Variants in PCDHGB1 observed in about 807,000 individuals in gnomAD.
The protein encoded by PCDHGB1 is protocadherin gamma subfamily B, 1.
A neutral mutation model predicts 56.6 loss-of-function variants in PCDHGB1; 34 were observed. The observed-to-expected ratio is 0.60, with a 90% CI of 0.46 to 0.80. The LOEUF (loss-of-function observed/expected upper bound fraction) is 0.80. PCDHGB1 is among the 30% of genes least tolerant of loss of function. PCDHGB1 has a pLI of 0.00. For missense variants in PCDHGB1, 1,278 were observed against 1,204.6 expected, an observed-to-expected ratio of 1.06 and a Z score of -0.90; for synonymous variants, 561 against 505.9, an observed-to-expected ratio of 1.11 and a Z score of -1.46.
chr5:141,435,795 G>A (rs150143106), intron 1 of PCDHGB1, among the ~76,000 whole-genome samples: 16 of 152,032 alleles, frequency 1.1e-4, no homozygotes, highest in Admixed American at 2.0e-4. Flanking sequence ...GAAACATAAC[G>A]TCCCAATTAT....
intron 1 of PCDHGB1, among the ~76,000 whole-genome samples, chr5:141,367,985 T>C (rs1158650986): frequency 6.6e-6 from 1 of 152,224 alleles, no homozygotes; most frequent in African/African-American, 2.4e-5. Flanking sequence ...CTTAAATTAA[T>C]AGATTTGTCT....
chr5:141,409,447 A>C, intron 1 of PCDHGB1: 1 of 1,614,008 alleles, frequency 6.2e-7, no homozygotes, highest in Non-Finnish European at 8.5e-7. Context: ...GAGAGCAGAC[A>C]CCAGAATACA....
At chr5:141,423,744 A>G in intron 1 of PCDHGB1, 1 of 429,464 alleles carries the variant, frequency 2.3e-6, no homozygotes. Context: ...TGTTATGAAA[A>G]CTGTTTGGGG....
At chr5:141,371,896 T>G (rs760450150) in intron 1 of PCDHGB1, 14 of 1,613,426 alleles carry the variant, frequency 8.7e-6, no homozygotes, top group Non-Finnish European at 1.1e-5. Flanking sequence ...CCGCGGGAGC[T>G]GTCGTCCTAC....
At chr5:141,509,574 G>A (rs554778751) in intron 3 of PCDHGB1, among the ~76,000 whole-genome samples, 7 of 152,182 alleles carry the variant, frequency 4.6e-5, no homozygotes, top group Non-Finnish European at 5.9e-5. Flanking sequence ...TTCACAGTGC[G>A]TACAAATCAG....
intron 1 of PCDHGB1, chr5:141,372,919 A>T (rs1404152823): frequency 9.8e-7 from 1 of 1,018,038 alleles, no homozygotes; most frequent in Admixed American, 3.0e-5. Context: ...TATTTTATTG[A>T]TTTTCTGGTG....
At chr5:141,369,679 CAT>C (rs1189576308) in intron 1 of PCDHGB1, among the ~76,000 whole-genome samples, 3 of 152,162 alleles carry the variant, frequency 2.0e-5, no homozygotes, top group Middle Eastern at 3.4e-3. Flanking sequence ...GAAAGTGAAA[CAT>C]AGAATAAAAC....
chr5:141,426,887 G>A (rs1309180455), intron 1 of PCDHGB1: 1 of 456,646 alleles, frequency 2.2e-6, no homozygotes, highest in Non-Finnish European at 4.4e-6. Context: ...TGGGCCAGGA[G>A]CAACAGAGCT....
At chr5:141,374,177 C>T in intron 1 of PCDHGB1, 4 of 1,613,578 alleles carry the variant, frequency 2.5e-6, no homozygotes, top group Non-Finnish European at 3.4e-6. Context: ...AGCGCAGATC[C>T]GCTACTCTAT....
rs745334496 is a variant in PCDHGB1 at position 141,478,302 on chromosome 5, C to A, written c.2410-16505C>A. 47 of 1,613,952 alleles carry A rather than the reference C, an allele frequency of 2.9e-5. 1 individual carries two copies. In the Admixed American group the frequency reaches 7.0e-4, roughly 24 times the overall value. On this transcript the variant is annotated intron_variant, in intron 1 of 3. Transcript: ENST00000523390. ...AAGCAGTCTAGAGACCTATACCGAGCCCCGGTGAGCTCACTGTACCGAACA... is the reference window on the plus strand; with the variant it reads ...AAGCAGTCTAGAGACCTATACCGAGACCCGGTGAGCTCACTGTACCGAACA...
Position 141,410,843 on chromosome 5 carries a change from CTT to C in PCDHGB1, c.2409+58176_2409+58177del, listed in dbSNP as rs1452086070. 5.3e-4 allele frequency: 115 copies of C among 216,326 alleles called. 1 individual carries two copies. In the East Asian group the frequency reaches 7.7e-3, roughly 14 times the overall value. 13.4% of individuals were successfully genotyped at this position (216,326 alleles called of 1,614,324 possible). A position where few individuals can be genotyped will look rare whatever the true frequency, so the allele number is the denominator to read the frequency against. The stretch of plus-strand genomic sequence containing the variant: ...TGTCACCAGACTGAAGATATTTTGT[CTT>C]TGTCTTTTTTTTTTTTTTTTTTTTT... On this transcript the variant is annotated intron_variant, in intron 1 of 3. Transcript: ENST00000523390.
intron 1 of PCDHGB1, chr5:141,427,254 G>A (rs1013561568): frequency 1.8e-5 from 8 of 456,644 alleles, no homozygotes; most frequent in Non-Finnish European, 2.6e-5. Flanking sequence ...GGATGGTGGA[G>A]GCATGACCAG....
At chr5:141,400,799 G>A in intron 1 of PCDHGB1, 1 of 553,494 alleles carries the variant, frequency 1.8e-6, no homozygotes, top group Non-Finnish European at 3.2e-6. Context: ...CTTTCTCAAA[G>A]CTAATGAATT....
chr5:141,417,869 A>C, intron 1 of PCDHGB1: 2 of 1,553,552 alleles, frequency 1.3e-6, no homozygotes, highest in South Asian at 2.4e-5. Context: ...GATGGGAGGG[A>C]GCTGCGCGCA....
intron 1 of PCDHGB1, among the ~76,000 whole-genome samples, chr5:141,405,786 T>C (rs72790035): frequency 0.064 from 9,727 of 151,196 alleles, 364 homozygotes; most frequent in African/African-American, 0.1. Context: ...CCCTTAACTT[T>C]CTATTATAGT....
chr5:141,404,564 G>A, intron 1 of PCDHGB1: 1 of 1,613,890 alleles, frequency 6.2e-7, no homozygotes. Flanking sequence ...AAGTGACAGT[G>A]GAAGCCCACC....
Position 141,351,772 on chromosome 5 carries a change from C to T in PCDHGB1, c.1512C>T (p.Ser504=), listed in dbSNP as rs1758814915. The part of the protein sequence containing the change: ...PRELLSYVSV[S]PQSGVVFAQR... ...AGCTGTTGTCCTACGTGTCCGTGAG[C>T]CCGCAGAGCGGGGTGGTGTTCGCGC... Residue 504 remains serine, a synonymous_variant, in exon 1 of 4, where the codon AGC becomes AGT. Transcript: ENST00000523390. 6.2e-7 allele frequency: 1 copy of T among 1,613,538 alleles called. No individual in the cohort carries two copies. Among genetic ancestry groups the T allele is most frequent in the East Asian group, 2.2e-5 (1 of 44,884 alleles).
chr5:141,457,417 CTTTT>C (rs894846890), intron 1 of PCDHGB1, among the ~76,000 whole-genome samples: 4 of 152,180 alleles, frequency 2.6e-5, no homozygotes, highest in Admixed American at 2.6e-4. Context: ...TTACCCATCC[CTTTT>C]TCCCCCCCAC....
At chr5:141,505,238 G>A (rs1254100882) in intron 2 of PCDHGB1, 155 bp from the exon 3 acceptor site, 2 of 890,422 alleles carry the variant, frequency 2.2e-6, no homozygotes, top group South Asian at 5.2e-5. Context: ...GGCTTCTGAA[G>A]GATTGTAGAA....
Sources: allele counts gnomAD v4.1 joint callset (sites outside exome capture counted in the v4.1 genomes callset), GRCh38; gene constraint gnomAD v4.1.1; transcripts MANE v1.5; gene names NCBI Gene and HGNC (gene_info 2026-07-23, HGNC 2026-07-21).